Variants in MTHFD2L observed in about 807,000 individuals in gnomAD.
MTHFD2L encodes bifunctional methylenetetrahydrofolate dehydrogenase/cyclohydrolase 2, mitochondrial.
A neutral mutation model predicts 34.9 loss-of-function variants in MTHFD2L; 29 were observed. That is an observed-to-expected ratio of 0.83 (90% CI 0.62 to 1.13). The LOEUF (loss-of-function observed/expected upper bound fraction) is 1.13. Among genes scored for constraint, MTHFD2L ranks in the 50% most tolerant of loss-of-function variants. The pLI, the probability that MTHFD2L is intolerant of heterozygous loss-of-function variation, is 0.00. For missense variants in MTHFD2L, 481 were observed against 446.5 expected, an observed-to-expected ratio of 1.08 and a Z score of -0.70; for synonymous variants, 167 against 155.7, an observed-to-expected ratio of 1.07 and a Z score of -0.54.
intron 1 of MTHFD2L, among the ~76,000 whole-genome samples, chr4:74,138,794 T>C (rs1319198443): frequency 1.3e-5 from 2 of 152,152 alleles, no homozygotes; most frequent in African/African-American, 2.4e-5. Flanking sequence ...TCCCATACAA[T>C]GGGAGGGGAC....
chr4:74,277,135 C>G (rs79022127), intron 6 of MTHFD2L, among the ~76,000 whole-genome samples: 9 of 146,536 alleles, frequency 6.1e-5, no homozygotes, highest in Middle Eastern at 6.9e-3. Context: ...AGAACACTCA[C>G]ACAAATCAGC....
chr4:74,231,869 G>A (rs1263421515), intron 6 of MTHFD2L, among the ~76,000 whole-genome samples: 1 of 152,072 alleles, frequency 6.6e-6, no homozygotes. Context: ...AGGCATTTTA[G>A]TGTGGTTTAT....
intron 5 of MTHFD2L, among the ~76,000 whole-genome samples, chr4:74,205,635 T>A (rs1735166293): frequency 6.6e-6 from 1 of 152,160 alleles, no homozygotes; most frequent in South Asian, 2.1e-4. Flanking sequence ...AATGAGAATG[T>A]GCTAAAATCT....
At chr4:74,233,256 C>T (rs1740352284) in intron 6 of MTHFD2L, among the ~76,000 whole-genome samples, 1 of 151,988 alleles carries the variant, frequency 6.6e-6, no homozygotes, top group South Asian at 2.1e-4. Flanking sequence ...TATCTTTCCA[C>T]AAGAGAAGAT....
intron 1 of MTHFD2L, among the ~76,000 whole-genome samples, chr4:74,135,833 CAT>C (rs1279712540): frequency 2.6e-5 from 4 of 151,992 alleles, no homozygotes; most frequent in Admixed American, 2.6e-4. Flanking sequence ...CAAATCAATA[CAT>C]GTTATACACG....
chr4:74,149,810 C>CA (rs938359391), intron 1 of MTHFD2L, among the ~76,000 whole-genome samples: 3 of 152,174 alleles, frequency 2.0e-5, no homozygotes, highest in African/African-American at 7.2e-5. Context: ...GTGCTCCCCC[C>CA]AAAAAATGTT....
At chr4:74,258,290 C>A (rs1279335224) in intron 6 of MTHFD2L, among the ~76,000 whole-genome samples, 1 of 152,070 alleles carries the variant, frequency 6.6e-6, no homozygotes, top group East Asian at 1.9e-4. Context: ...TGATAACTTG[C>A]AGCATGATTC....
chr4:74,190,579 C>A (rs556752673), intron 3 of MTHFD2L: 5 of 934,142 alleles, frequency 5.4e-6, no homozygotes, highest in Non-Finnish European at 5.1e-6. Context: ...AGTAGCTCAG[C>A]GAGGTTAGAG....
intron 1 of MTHFD2L, among the ~76,000 whole-genome samples, chr4:74,148,532 A>C (rs1482065624): frequency 1.3e-5 from 2 of 151,866 alleles, no homozygotes; most frequent in African/African-American, 4.8e-5. Flanking sequence ...AGACTACAGG[A>C]ACATGCCACC....
chr4:74,233,683 T>C (rs565463941), intron 6 of MTHFD2L, among the ~76,000 whole-genome samples: 1 of 152,288 alleles, frequency 6.6e-6, no homozygotes, highest in African/African-American at 2.4e-5. Context: ...CAAACTTTTA[T>C]ATGTTTCCTT....
chr4:74,225,074 G>A (rs1194645545), intron 5 of MTHFD2L, among the ~76,000 whole-genome samples: 4 of 151,902 alleles, frequency 2.6e-5, no homozygotes, highest in Admixed American at 6.6e-5. Flanking sequence ...TGTGATGATC[G>A]GCACTTACCC....
chr4:74,215,675 T>G (rs1236000101), intron 5 of MTHFD2L, among the ~76,000 whole-genome samples: 2 of 151,736 alleles, frequency 1.3e-5, no homozygotes, highest in African/African-American at 4.9e-5. Flanking sequence ...GTTACTATTC[T>G]TAACTTAAAA....
intron 1 of MTHFD2L, among the ~76,000 whole-genome samples, chr4:74,166,787 A>G (rs1453275769): frequency 6.6e-6 from 1 of 152,122 alleles, no homozygotes; most frequent in Non-Finnish European, 1.5e-5. Flanking sequence ...AAACTCATGG[A>G]CCCACACTGT....
At chr4:74,157,542 T>C (rs368985492), upstream of MTHFD2L, 20 of 401,606 alleles carry the variant, frequency 5.0e-5, no homozygotes, top group African/African-American at 3.3e-4. Context: ...TATTGGTCAA[T>C]ATTTCCTTCC....
chr4:74,224,165 C>T (rs1738741220), intron 5 of MTHFD2L: 1 of 152,096 alleles, frequency 6.6e-6, no homozygotes, highest in Admixed American at 6.6e-5. Context: ...TGTTCCCACC[C>T]ACTCTAAACT....
chr4:74,274,012 A>T (rs1025224661), intron 6 of MTHFD2L, among the ~76,000 whole-genome samples: 2 of 150,354 alleles, frequency 1.3e-5, no homozygotes, highest in East Asian at 3.9e-4. Flanking sequence ...GAACAGTTTG[A>T]TTTTTTTTTT....
At chr4:74,252,781 G>T (rs1014849402) in intron 6 of MTHFD2L, among the ~76,000 whole-genome samples, 14 of 152,190 alleles carry the variant, frequency 9.2e-5, no homozygotes, top group African/African-American at 3.4e-4. Context: ...AAGAGTTTCA[G>T]AAGGTGATAC....
At chr4:74,119,465 G>C (rs1478614233), upstream of MTHFD2L, among the ~76,000 whole-genome samples, 2 of 152,114 alleles carry the variant, frequency 1.3e-5, no homozygotes, top group African/African-American at 4.8e-5. Flanking sequence ...CTCTAAGACT[G>C]CCAACAAAAA....
At chr4:74,178,556 A>G (rs1208528521) in intron 3 of MTHFD2L, among the ~76,000 whole-genome samples, 2 of 152,016 alleles carry the variant, frequency 1.3e-5, no homozygotes, top group African/African-American at 4.8e-5. Context: ...GCTAGAGACT[A>G]AATTGTTTGA....
Sources: gnomAD v4.1 joint callset for allele counts (sites outside exome capture counted in the v4.1 genomes callset) on GRCh38, gnomAD v4.1.1 for gene constraint, MANE v1.5 for transcripts, NCBI Gene and HGNC (gene_info 2026-07-23, HGNC 2026-07-21) for gene names.